HEMK2: variants seen among roughly 807,000 people sequenced by gnomAD.
The protein encoded by HEMK2 is methyltransferase HEMK2.
the HEMK2 span, among the ~76,000 whole-genome samples, chr21:28,844,946 C>A: frequency 6.6e-6 from 1 of 151,522 alleles, no homozygotes; most frequent in South Asian, 2.1e-4. Flanking sequence ...AATTGAATGT[C>A]TGTCTATTGT....
At chr21:28,583,845 A>C in the HEMK2 span, among the ~76,000 whole-genome samples, 1 of 152,236 alleles carries the variant, frequency 6.6e-6, no homozygotes, top group Non-Finnish European at 1.5e-5. Flanking sequence ...AGTCACATTA[A>C]CAGGACTTTA....
At chr21:28,601,835 G>C in the HEMK2 span, among the ~76,000 whole-genome samples, 1 of 152,180 alleles carries the variant, frequency 6.6e-6, no homozygotes, top group African/African-American at 2.4e-5. Flanking sequence ...GAAAAGCAAT[G>C]GAAAGTGTTA....
chr21:28,722,799 G>A, the HEMK2 span, among the ~76,000 whole-genome samples: 7 of 152,262 alleles, frequency 4.6e-5, 1 homozygote, highest in Middle Eastern at 3.4e-3. Context: ...CAGGAGAATC[G>A]CTTGAACCCA....
the HEMK2 span, among the ~76,000 whole-genome samples, chr21:28,780,366 ACGGGGTTT>A: frequency 6.8e-6 from 1 of 147,162 alleles, no homozygotes; most frequent in African/African-American, 2.6e-5. Flanking sequence ...TTTAATAGAG[ACGGGGTTT>A]CACCGTGTTA....
the HEMK2 span, chr21:28,874,190 CCA>C: frequency 1.3e-5 from 2 of 152,336 alleles, no homozygotes; most frequent in Admixed American, 6.5e-5. Context: ...GGGCCCACTG[CCA>C]CACTTTTGCT....
chr21:28,635,442 A>C, the HEMK2 span, among the ~76,000 whole-genome samples: 5 of 152,288 alleles, frequency 3.3e-5, no homozygotes, highest in East Asian at 9.6e-4. Flanking sequence ...CACTTAAATC[A>C]AAGGAAGTAA....
chr21:28,810,736 A>G, the HEMK2 span, among the ~76,000 whole-genome samples: 1 of 152,114 alleles, frequency 6.6e-6, no homozygotes, highest in Non-Finnish European at 1.5e-5. Flanking sequence ...CCACTCCCCA[A>G]AAATACTCAT....
chr21:28,785,970 T>C, the HEMK2 span, among the ~76,000 whole-genome samples: 96 of 152,390 alleles, frequency 6.3e-4, no homozygotes, highest in Middle Eastern at 3.4e-3. Context: ...TATTTGTTTA[T>C]ATTCCTTGTT....
At chr21:28,843,043 T>C in the HEMK2 span, among the ~76,000 whole-genome samples, 6 of 152,164 alleles carry the variant, frequency 3.9e-5, no homozygotes, top group Non-Finnish European at 8.8e-5. Context: ...TAGACTTCCT[T>C]TAAATAAGAA....
At chr21:28,710,719 A>T in the HEMK2 span, among the ~76,000 whole-genome samples, 2 of 152,222 alleles carry the variant, frequency 1.3e-5, no homozygotes, top group Non-Finnish European at 2.9e-5. Context: ...GAGGATGGAA[A>T]GAAAAGGATC....
At chr21:28,759,084 T>A in the HEMK2 span, among the ~76,000 whole-genome samples, 16,522 of 152,232 alleles carry the variant, frequency 0.11, 1,080 homozygotes, top group East Asian at 0.3. Flanking sequence ...GGGCATGCAA[T>A]CTGTGCATTT....
At chr21:28,650,462 AAG>A in the HEMK2 span, among the ~76,000 whole-genome samples, 1 of 152,164 alleles carries the variant, frequency 6.6e-6, no homozygotes, top group Non-Finnish European at 1.5e-5. Flanking sequence ...TGGTCATGGA[AAG>A]GAATAGAGAG....
chr21:28,640,235 T>C, the HEMK2 span, among the ~76,000 whole-genome samples: 2 of 152,098 alleles, frequency 1.3e-5, no homozygotes, highest in Non-Finnish European at 2.9e-5. Flanking sequence ...CAGACGCAAG[T>C]AGGAAGCACT....
At chr21:28,665,331 T>TA in the HEMK2 span, among the ~76,000 whole-genome samples, 197 of 93,816 alleles carry the variant, frequency 2.1e-3, 1 homozygote, top group African/African-American at 0.013. Flanking sequence ...CTTATTTATA[T>TA]TTCTTTTTTT....
At chr21:28,854,875 T>A in the HEMK2 span, among the ~76,000 whole-genome samples, 1 of 152,190 alleles carries the variant, frequency 6.6e-6, no homozygotes, top group African/African-American at 2.4e-5. Context: ...CCAGAAATAA[T>A]ACTTTGTATC....
At chr21:28,626,855 T>C in the HEMK2 span, among the ~76,000 whole-genome samples, 1 of 152,216 alleles carries the variant, frequency 6.6e-6, no homozygotes, top group African/African-American at 2.4e-5. Context: ...CCCACTCATA[T>C]ACTTATATGA....
the HEMK2 span, among the ~76,000 whole-genome samples, chr21:28,745,250 A>G: frequency 1.3e-5 from 2 of 152,218 alleles, no homozygotes; most frequent in African/African-American, 2.4e-5. Flanking sequence ...TCTCGTGGTC[A>G]GTATGCAGTA....
the HEMK2 span, among the ~76,000 whole-genome samples, chr21:28,677,257 G>A: frequency 3.3e-5 from 5 of 152,192 alleles, no homozygotes; most frequent in Admixed American, 6.5e-5. Flanking sequence ...TATATCCCAC[G>A]CCTGGCTCGG....
chr21:28,851,130 C>T, the HEMK2 span, among the ~76,000 whole-genome samples: 17 of 152,288 alleles, frequency 1.1e-4, no homozygotes, highest in African/African-American at 3.1e-4. Flanking sequence ...TACCAAAGCC[C>T]AGTAACAGGC....
Sources: allele counts gnomAD v4.1 joint callset (sites outside exome capture counted in the v4.1 genomes callset), GRCh38; gene constraint gnomAD v4.1.1; transcripts MANE v1.5; gene names NCBI Gene and HGNC (gene_info 2026-07-23, HGNC 2026-07-21).